Variants in RBFOX1 observed in about 807,000 individuals in gnomAD.
The protein encoded by RBFOX1 is RNA binding fox-1 homolog 1, also known as RNA binding protein fox-1 homolog 1.
RBFOX1 carries 8 observed loss-of-function variants against 57.7 expected under a neutral mutation model. The ratio of observed to expected loss-of-function variants is 0.14; its 90% CI spans 0.08 to 0.25. The LOEUF is 0.25. Among genes scored for constraint, RBFOX1 ranks in the 10% least tolerant of loss-of-function variants. RBFOX1 has a pLI of 1.00. For missense variants in RBFOX1, 611 were observed against 548.5 expected (o/e 1.11, Z -1.14); for synonymous variants, 326 against 222.4 (o/e 1.47, Z -4.15).
At chr16:7,613,245 G>C (rs74993611) in intron 10 of RBFOX1, among the ~76,000 whole-genome samples, 1,575 of 152,298 alleles carry the variant, frequency 0.01, 30 homozygotes, top group African/African-American at 0.037. Flanking sequence ...AGAACAATTT[G>C]TGGTTTTGAG....
At chr16:5,487,067 CT>C (rs1464990615) in intron 2 of RBFOX1, among the ~76,000 whole-genome samples, 1 of 152,148 alleles carries the variant, frequency 6.6e-6, no homozygotes, top group Non-Finnish European at 1.5e-5. Context: ...ATTCCTTTTC[CT>C]CTTTCAGGGA....
At chr16:6,201,412 T>C (rs1185936076) in intron 1 of RBFOX1, among the ~76,000 whole-genome samples, 1 of 152,162 alleles carries the variant, frequency 6.6e-6, no homozygotes, top group Non-Finnish European at 1.5e-5. Context: ...CTAATTTGCA[T>C]TCTCAACAAC....
intron 3 of RBFOX1, among the ~76,000 whole-genome samples, chr16:6,787,337 A>T (rs1318858152): frequency 6.6e-6 from 1 of 152,180 alleles, no homozygotes; most frequent in Non-Finnish European, 1.5e-5. Context: ...CAATAACAGC[A>T]CATAAAGAAG....
At chr16:6,237,168 A>G (rs2097511312) in intron 1 of RBFOX1, among the ~76,000 whole-genome samples, 1 of 152,236 alleles carries the variant, frequency 6.6e-6, no homozygotes, top group Non-Finnish European at 1.5e-5. Context: ...TGGCAAGGGT[A>G]CTTTTATTAC....
chr16:5,720,622 G>A (rs2051895127), intron 3 of RBFOX1, among the ~76,000 whole-genome samples: 2 of 152,144 alleles, frequency 1.3e-5, no homozygotes, highest in East Asian at 1.9e-4. Context: ...TATGGTGGAA[G>A]GAGATCCAAC....
At chr16:6,121,339 G>A (rs1412570022) in intron 1 of RBFOX1, among the ~76,000 whole-genome samples, 1 of 152,184 alleles carries the variant, frequency 6.6e-6, no homozygotes, top group African/African-American at 2.4e-5. Flanking sequence ...TGTGATACAA[G>A]CTGGCCTGTC....
chr16:6,470,050 A>G (rs756460716), intron 2 of RBFOX1, among the ~76,000 whole-genome samples: 51 of 152,238 alleles, frequency 3.4e-4, no homozygotes, highest in Non-Finnish European at 6.6e-4. Flanking sequence ...GTCATTAAGT[A>G]TCTACTTTGT....
chr16:7,221,351 A>G (rs1220194306), intron 4 of RBFOX1, among the ~76,000 whole-genome samples: 1,556 of 149,598 alleles, frequency 0.01, 24 homozygotes, highest in African/African-American at 0.03. Flanking sequence ...TTGATTATTT[A>G]TTTATTTATT....
chr16:5,775,278 C>A (rs1452341090), intron 3 of RBFOX1, among the ~76,000 whole-genome samples: 1 of 152,108 alleles, frequency 6.6e-6, no homozygotes, highest in African/African-American at 2.4e-5. Context: ...ACTAACATCC[C>A]CCTTCTCACC....
chr16:6,695,027 T>G (rs1178932527), intron 3 of RBFOX1, among the ~76,000 whole-genome samples: 1 of 152,116 alleles, frequency 6.6e-6, no homozygotes, highest in African/African-American at 2.4e-5. Context: ...GCATTTCATA[T>G]TAAATCAGCC....
At chr16:6,630,791 AC>A (rs2098375717) in intron 2 of RBFOX1, among the ~76,000 whole-genome samples, 1 of 152,152 alleles carries the variant, frequency 6.6e-6, no homozygotes, top group Admixed American at 6.5e-5. Flanking sequence ...GACCTATGTT[AC>A]CCGACCTGCT....
intron 6 of RBFOX1, among the ~76,000 whole-genome samples, chr16:7,586,614 G>C (rs138864849): frequency 3.8e-4 from 58 of 152,188 alleles, no homozygotes; most frequent in African/African-American, 1.4e-3. Context: ...TCTGTTTCTG[G>C]ACTTTTCATA....
At chr16:7,241,034 T>A (rs1462721187) in intron 4 of RBFOX1, among the ~76,000 whole-genome samples, 1 of 152,190 alleles carries the variant, frequency 6.6e-6, no homozygotes, top group African/African-American at 2.4e-5. Flanking sequence ...ATCGTGAAAA[T>A]TAAGCCACTG....
chr16:6,276,162 T>C (rs1234811571), intron 1 of RBFOX1, among the ~76,000 whole-genome samples: 1 of 152,186 alleles, frequency 6.6e-6, no homozygotes, highest in Non-Finnish European at 1.5e-5. Flanking sequence ...AAGAAAAACA[T>C]AGATAAACGG....
intron 1 of RBFOX1, among the ~76,000 whole-genome samples, chr16:6,196,801 T>G (rs1425344895): frequency 6.6e-6 from 1 of 152,080 alleles, no homozygotes; most frequent in African/African-American, 2.4e-5. Flanking sequence ...GGTTCATCTT[T>G]TTTTTTTTTC....
intron 11 of RBFOX1, among the ~76,000 whole-genome samples, chr16:7,634,541 C>G (rs1438343159): frequency 6.6e-6 from 1 of 152,146 alleles, no homozygotes; most frequent in Non-Finnish European, 1.5e-5. Flanking sequence ...AAGTTATCTG[C>G]TTTTGATATG....
chr16:7,197,891 G>T (rs1483329992), intron 4 of RBFOX1, among the ~76,000 whole-genome samples: 1 of 152,072 alleles, frequency 6.6e-6, no homozygotes, highest in Non-Finnish European at 1.5e-5. Context: ...AAACAGAATG[G>T]GGGTTGCCAA....
chr16:5,303,555 G>C (rs2063857073), intron 1 of RBFOX1, among the ~76,000 whole-genome samples: 1 of 152,282 alleles, frequency 6.6e-6, no homozygotes, highest in East Asian at 1.9e-4. Flanking sequence ...ACAGATGCCA[G>C]TGTTTTAGAT....
intron 1 of RBFOX1, among the ~76,000 whole-genome samples, chr16:6,148,684 G>A (rs1428975243): frequency 6.6e-6 from 1 of 152,154 alleles, no homozygotes; most frequent in African/African-American, 2.4e-5. Context: ...AGTTAGCATG[G>A]GAGACCCAGC....
Sources: gnomAD v4.1 joint callset for allele counts (sites outside exome capture counted in the v4.1 genomes callset) on GRCh38, gnomAD v4.1.1 for gene constraint, MANE v1.5 for transcripts, NCBI Gene and HGNC (gene_info 2026-07-23, HGNC 2026-07-21) for gene names.